The following DPY19L4 variants were observed in gnomAD, a reference collection of about 807,000 sequenced individuals.
DPY19L4 encodes dpy-19 like 4, also known as probable C-mannosyltransferase DPY19L4.
A neutral mutation model predicts 102.8 loss-of-function variants in DPY19L4; 97 were observed. The observed-to-expected ratio is 0.94, with a 90% CI of 0.80 to 1.12. DPY19L4 has a LOEUF of 1.12. Among genes scored for constraint, DPY19L4 ranks in the 50% most tolerant of loss-of-function variants. The pLI, the probability that DPY19L4 is intolerant of heterozygous loss-of-function variation, is 0.00. For synonymous variants in DPY19L4, 252 were observed against 283.1 expected (o/e 0.89, Z 1.10); for missense variants, 815 against 850.4 (o/e 0.96, Z 0.52).
intron 9 of DPY19L4, 80 bp downstream of exon 9, chr8:94,765,394 G>A (rs1812629073): frequency 4.3e-6 from 6 of 1,379,538 alleles, no homozygotes; most frequent in Middle Eastern, 2.6e-4. Flanking sequence ...GCCCAGGCTG[G>A]AGTACATCTC....
chr8:94,786,207 G>C (rs947321576), intron 17 of DPY19L4, among the ~76,000 whole-genome samples: 14 of 151,482 alleles, frequency 9.2e-5, no homozygotes, highest in Admixed American at 6.6e-5. Flanking sequence ...GCTCACTGCA[G>C]CCTCCGCCTC....
At chr8:94,732,964 C>G (rs958132745) in intron 2 of DPY19L4, among the ~76,000 whole-genome samples, 2 of 151,720 alleles carry the variant, frequency 1.3e-5, no homozygotes, top group Admixed American at 1.3e-4. Flanking sequence ...GCACCCGCCA[C>G]CACCACATGG....
At chr8:94,774,832 C>A (rs1410228540) in intron 13 of DPY19L4, among the ~76,000 whole-genome samples, 1 of 152,058 alleles carries the variant, frequency 6.6e-6, no homozygotes, top group African/African-American at 2.4e-5. Context: ...CCGCCTCGGC[C>A]CCCCAAAGTG....
At chr8:94,745,945 G>C (rs925427639) in intron 6 of DPY19L4, among the ~76,000 whole-genome samples, 3 of 151,698 alleles carry the variant, frequency 2.0e-5, no homozygotes, top group African/African-American at 4.8e-5. Flanking sequence ...GTAGAGACAG[G>C]GTTCCTCCAT....
intron 7 of DPY19L4, among the ~76,000 whole-genome samples, chr8:94,758,466 CAT>C (rs1450720358): frequency 1.3e-5 from 2 of 152,156 alleles, no homozygotes; most frequent in African/African-American, 4.8e-5. Context: ...ATAATCAAGA[CAT>C]AGAACTCTTC....
intron 17 of DPY19L4, among the ~76,000 whole-genome samples, chr8:94,784,383 T>G (rs1326318378): frequency 6.6e-6 from 1 of 152,186 alleles, no homozygotes; most frequent in Non-Finnish European, 1.5e-5. Context: ...GCTAACGTTC[T>G]TTTTAAAATA....
chr8:94,761,963 T>C (rs1477657194), intron 8 of DPY19L4, 129 bp downstream of exon 8: 1 of 951,588 alleles, frequency 1.1e-6, no homozygotes. Flanking sequence ...ATTTAAGTTA[T>C]TTGGACAGAG....
rs866433795 is a variant in DPY19L4 at position 94,788,053 on chromosome 8, G to A, written c.2007+1G>A. On this transcript the variant is annotated splice_donor_variant, in intron 18 of 18. Transcript: ENST00000414645. LOFTEE classifies it high-confidence loss of function. ...TTTATTAGACATTGCAAATGGCCAC[G>A]TAAGTAACCATTTGGAAAGTTATAT... 4.1e-5 allele frequency: 59 copies of A among 1,423,426 alleles called. No individual in the cohort carries two copies. The Middle Eastern group carries it at 7.8e-4, about 19-fold the overall frequency. 88.2% of individuals were successfully genotyped at this position (1,423,426 alleles called of 1,614,324 possible).
At chr8:94,732,561 T>A (rs1811008959) in intron 2 of DPY19L4, among the ~76,000 whole-genome samples, 1 of 152,108 alleles carries the variant, frequency 6.6e-6, no homozygotes, top group Admixed American at 6.5e-5. Flanking sequence ...AAAGAAATAG[T>A]TTGTGTCCAT....
intron 1 of DPY19L4, among the ~76,000 whole-genome samples, chr8:94,723,063 A>G (rs940338850): frequency 5.3e-5 from 8 of 152,230 alleles, no homozygotes; most frequent in African/African-American, 1.4e-4. Context: ...TTGTAGCCCT[A>G]CTGTTTCATA....
At chr8:94,748,879 C>G (rs1313487158) in intron 6 of DPY19L4, among the ~76,000 whole-genome samples, 3 of 152,174 alleles carry the variant, frequency 2.0e-5, no homozygotes, top group Admixed American at 2.0e-4. Context: ...ATCTCCCCAA[C>G]TCCCCTGTAT....
chr8:94,762,559 G>A (rs1812437191), intron 8 of DPY19L4, among the ~76,000 whole-genome samples: 1 of 152,118 alleles, frequency 6.6e-6, no homozygotes, highest in Non-Finnish European at 1.5e-5. Context: ...AGCTAAGAGA[G>A]TTATTTGGTA....
rs10624368 is a variant in DPY19L4 at position 94,732,811 on chromosome 8, C to CTTT, written c.128-1804_128-1802dup. Among the ~76,000 whole-genome samples, 827 of 128,062 alleles carry CTTT rather than the reference C, an allele frequency of 6.5e-3. 16 individuals are homozygous for CTTT. The highest frequency in any genetic ancestry group is 7.8e-3 in the Non-Finnish European group (484 of 62,400). The allele number at this position is 128,062 out of a possible 152,430, so 84.0% of individuals were successfully genotyped here. On this transcript the variant is annotated intron_variant, in intron 2 of 18. Coordinates refer to ENST00000414645, the MANE Select transcript of DPY19L4 (RefSeq NM_181787.3). ...CCATCTTACCCTTTTCTTTTTCTTT[C>CTTT]TTTTTTTTTTTTTTTTTGAGACAAG...
chr8:94,730,986 C>A (rs1191387708), intron 2 of DPY19L4, among the ~76,000 whole-genome samples: 1 of 149,080 alleles, frequency 6.7e-6, no homozygotes, highest in Non-Finnish European at 1.5e-5. Context: ...CTCAGGTGAT[C>A]CACCAGCCTC....
chr8:94,768,681 T>C lies in DPY19L4; in HGVS notation c.1334+128T>C, dbSNP rs922324770. ...GCTTCTATTTCCATTCTCTTTTCAT[T>C]GACATGGAAAATATCATTATAAGAT... On this transcript the variant is annotated intron_variant, in intron 12 of 18. Coordinates refer to ENST00000414645, the MANE Select transcript of DPY19L4 (RefSeq NM_181787.3). The C allele has an allele frequency of 4.3e-5, 28 of 658,544 alleles. No homozygotes were observed. The African/African-American group carries it at 4.6e-4, about 11-fold the overall frequency. The allele number at this position is 658,544 out of a possible 1,614,324, so 40.8% of individuals were successfully genotyped here. A position where few individuals can be genotyped will look rare whatever the true frequency, so the allele number is the denominator to read the frequency against.
In DPY19L4 at chr8:94,790,606, C is replaced by T. The variant is rs950282378; in HGVS notation, c.*696C>T. 1.3e-4 allele frequency: 19 copies of T among 151,852 alleles called. No homozygotes were observed. Among genetic ancestry groups the T allele is most frequent in the Non-Finnish European group, 2.8e-4 (19 of 67,894 alleles). 9.4% of individuals were successfully genotyped at this position (151,852 alleles called of 1,614,324 possible). ...AAGTGATTAGTTTTTTCACTTATGC[C>T]TATTAATTTGATACCAATTTAATCA... is the stretch of plus-strand genomic sequence containing the variant. On this transcript the variant is annotated 3_prime_UTR_variant, in exon 19 of 19. Coordinates refer to ENST00000414645, the MANE Select transcript of DPY19L4 (RefSeq NM_181787.3).
chr8:94,722,622 T>C (rs1810516620), intron 1 of DPY19L4, among the ~76,000 whole-genome samples: 1 of 152,222 alleles, frequency 6.6e-6, no homozygotes, highest in Non-Finnish European at 1.5e-5. Flanking sequence ...AATTTTCATT[T>C]ATTATAATGC....
chr8:94,769,054 G>GTTTTTTTTTTT (rs1184803488), intron 12 of DPY19L4, among the ~76,000 whole-genome samples: 2 of 138,382 alleles, frequency 1.4e-5, no homozygotes, highest in Non-Finnish European at 3.1e-5. Flanking sequence ...TTTAAACTTA[G>GTTTTTTTTTTT]TTTTTTTGTT....
At chr8:94,764,347 C>G (rs545744631) in intron 8 of DPY19L4, among the ~76,000 whole-genome samples, 8 of 151,738 alleles carry the variant, frequency 5.3e-5, no homozygotes, top group African/African-American at 1.7e-4. Flanking sequence ...GAGGCTGAGG[C>G]GGGCAGATCA....
Sources: gnomAD v4.1 joint callset for allele counts (sites outside exome capture counted in the v4.1 genomes callset) on GRCh38, gnomAD v4.1.1 for gene constraint, MANE v1.5 for transcripts, NCBI Gene and HGNC (gene_info 2026-07-23, HGNC 2026-07-21) for gene names.